PITPNC1: variants seen among roughly 807,000 people sequenced by gnomAD.
PITPNC1 encodes phosphatidylinositol transfer protein cytoplasmic 1, also known as cytoplasmic phosphatidylinositol transfer protein 1.
In PITPNC1, 18 loss-of-function variants were observed where a neutral mutation model predicts 44.7. The observed-to-expected ratio is 0.40, with a 90% CI of 0.28 to 0.60. PITPNC1 has a LOEUF of 0.60. Among genes scored for constraint, PITPNC1 ranks in the 20% least tolerant of loss-of-function variants. The probability of loss-of-function intolerance (pLI) is 0.39; values close to 1 mark genes in which losing one functional copy is unlikely to be tolerated. For synonymous variants in PITPNC1, 141 were observed against 149.6 expected, an observed-to-expected ratio of 0.94 and a Z score of 0.42; for missense variants, 290 against 418.4, an observed-to-expected ratio of 0.69 and a Z score of 2.68.
chr17:67,378,299 C>A, intron 1 of PITPNC1, 97 bp downstream of exon 1: 2 of 745,166 alleles, frequency 2.7e-6, no homozygotes, highest in Non-Finnish European at 4.0e-6. Flanking sequence ...GCAGGAAACC[C>A]AGGTGGACGT....
chr17:67,427,768 TG>T (rs2038793042), intron 1 of PITPNC1, among the ~76,000 whole-genome samples: 2 of 152,176 alleles, frequency 1.3e-5, no homozygotes, highest in African/African-American at 4.8e-5. Context: ...ATGGAATCTT[TG>T]TTGAAAATGT....
Position 67,379,377 on chromosome 17 carries a change from T to C in PITPNC1, c.48+1175T>C, listed in dbSNP as rs1053141874. On this transcript the variant is annotated intron_variant, in intron 1 of 8. Transcript: ENST00000581322. ...ACAGGGGCTGTCCGTATTTGCCATC[T>C]GGACCAAGGGTTAAGGTAAGACCCA... is the stretch of plus-strand genomic sequence containing the variant. 3.5e-5 allele frequency: 34 copies of C among 985,348 alleles called. 1 individual carries two copies. The Admixed American group carries it at 5.5e-4, about 16-fold the overall frequency. 61.0% of individuals were successfully genotyped at this position (985,348 alleles called of 1,614,324 possible).
intron 5 of PITPNC1, among the ~76,000 whole-genome samples, chr17:67,610,960 T>C (rs1315196061): frequency 6.6e-6 from 1 of 151,784 alleles, no homozygotes; most frequent in Admixed American, 6.6e-5. Flanking sequence ...AAAAATATTA[T>C]TTTCTAAACT....
chr17:67,434,967 G>C (rs2038915113), intron 1 of PITPNC1, among the ~76,000 whole-genome samples: 1 of 151,686 alleles, frequency 6.6e-6, no homozygotes, highest in Non-Finnish European at 1.5e-5. Flanking sequence ...AAATTAGCTG[G>C]GCATGGTGGC....
At chr17:67,655,165 C>T (rs2042248827) in intron 6 of PITPNC1, among the ~76,000 whole-genome samples, 1 of 152,132 alleles carries the variant, frequency 6.6e-6, no homozygotes, top group African/African-American at 2.4e-5. Flanking sequence ...AGATTCAGTG[C>T]CTGGAGATGG....
At chr17:67,481,984 A>G (rs926177591) in intron 1 of PITPNC1, among the ~76,000 whole-genome samples, 5 of 152,188 alleles carry the variant, frequency 3.3e-5, no homozygotes, top group African/African-American at 1.2e-4. Context: ...TTGTTGAGCT[A>G]CCAGGATTAC....
intron 5 of PITPNC1, among the ~76,000 whole-genome samples, chr17:67,605,414 C>T (rs989543422): frequency 1.3e-5 from 2 of 152,152 alleles, no homozygotes; most frequent in African/African-American, 2.4e-5. Flanking sequence ...AGCTGGCAGC[C>T]GCTGTCCAGC....
chr17:67,389,664 T>A lies in PITPNC1; in HGVS notation c.48+11462T>A, dbSNP rs80047167. Among the ~76,000 whole-genome samples, 852 of 151,284 alleles carry A rather than the reference T, an allele frequency of 5.6e-3. 4 individuals carry two copies. Among genetic ancestry groups the A allele is most frequent in the African/African-American group, 0.02 (801 of 40,624 alleles). ...AAGTACATCTCAGTAAAGCTGTTTT[T>A]TGTTTTGTTGTTGTTGTTGTTGTTG... On this transcript the variant is annotated intron_variant, in intron 1 of 8. Coordinates refer to ENST00000581322, the MANE Select transcript of PITPNC1 (RefSeq NM_012417.4).
chr17:67,452,301 A>G (rs1306702095), intron 1 of PITPNC1, among the ~76,000 whole-genome samples: 1 of 151,904 alleles, frequency 6.6e-6, no homozygotes, highest in Non-Finnish European at 1.5e-5. Context: ...GGGAGCCATC[A>G]TGCCTGGCCA....
intron 1 of PITPNC1, among the ~76,000 whole-genome samples, chr17:67,415,991 G>A (rs1399403658): frequency 6.6e-6 from 1 of 151,760 alleles, no homozygotes; most frequent in Non-Finnish European, 1.5e-5. Context: ...TTCTTTGTTC[G>A]TTAGGTTGAA....
chr17:67,433,040 G>T (rs149521518), intron 1 of PITPNC1, among the ~76,000 whole-genome samples: 387 of 152,312 alleles, frequency 2.5e-3, no homozygotes, highest in African/African-American at 8.7e-3. Flanking sequence ...GCGAGTGGGG[G>T]TGGGGAGAGT....
chr17:67,681,262 TTTGC>T (rs2042699473), intron 8 of PITPNC1, among the ~76,000 whole-genome samples: 2 of 152,132 alleles, frequency 1.3e-5, no homozygotes. Flanking sequence ...GGGGAAAATA[TTTGC>T]TGCATATGTA....
chr17:67,643,976 G>A (rs1412521058), intron 6 of PITPNC1, among the ~76,000 whole-genome samples: 1 of 152,178 alleles, frequency 6.6e-6, no homozygotes, highest in Non-Finnish European at 1.5e-5. Context: ...GAGAACAGGA[G>A]CAGAGGTGTG....
chr17:67,660,246 C>G (rs1284774072), intron 6 of PITPNC1, among the ~76,000 whole-genome samples: 1 of 152,074 alleles, frequency 6.6e-6, no homozygotes, highest in African/African-American at 2.4e-5. Context: ...TTATTATTAT[C>G]TTTTTACTCT....
At position 67,692,246 on chromosome 17, in the gene PITPNC1, C is replaced by T. The variant is rs547600843; in HGVS notation, c.683-326C>T. On this transcript the variant is annotated intron_variant, in intron 8 of 8. Transcript: ENST00000581322. ...ACACAGATGCACACGGGTGCACACA[C>T]ATACACACACACAGGCACATATTTC... 2.0e-5 allele frequency among the ~76,000 whole-genome samples: 3 copies of T among 152,278 alleles called. No individual in the cohort carries two copies. In the South Asian group the frequency reaches 6.2e-4, roughly 32 times the overall value.
At chr17:67,456,654 T>C (rs962729596) in intron 1 of PITPNC1, among the ~76,000 whole-genome samples, 3 of 152,168 alleles carry the variant, frequency 2.0e-5, no homozygotes, top group Non-Finnish European at 2.9e-5. Flanking sequence ...ATTTAGTGTT[T>C]TAATTTCTCC....
At position 67,496,802 on chromosome 17, in the gene PITPNC1, T is replaced by C. The variant is rs140546598; in HGVS notation, c.49-36000T>C. Among the ~76,000 whole-genome samples, 831 of 152,188 alleles carry C rather than the reference T, an allele frequency of 5.5e-3. 8 individuals are homozygous for C. Among genetic ancestry groups the C allele is most frequent in the Non-Finnish European group, 7.6e-3 (520 of 68,018 alleles). The stretch of plus-strand genomic sequence containing the variant: ...GGTCGTAATTTCAAAAATGGAAAAG[T>C]AGGTTTTAAAAATTCAAATGTAATA... On this transcript the variant is annotated intron_variant, in intron 1 of 8. Transcript: ENST00000581322.
At chr17:67,408,804 G>C (rs1567978518) in intron 1 of PITPNC1, 1 of 151,226 alleles carries the variant, frequency 6.6e-6, no homozygotes, top group Non-Finnish European at 1.5e-5. Context: ...GTAAGAAAGG[G>C]GGAAAGAATA....
At chr17:67,663,832 A>G (rs1172709281) in intron 6 of PITPNC1, among the ~76,000 whole-genome samples, 1 of 152,158 alleles carries the variant, frequency 6.6e-6, no homozygotes, top group African/African-American at 2.4e-5. Context: ...AGTGATGGTA[A>G]ATGACATGGC....
Sources: gnomAD v4.1 joint callset for allele counts (sites outside exome capture counted in the v4.1 genomes callset) on GRCh38, gnomAD v4.1.1 for gene constraint, MANE v1.5 for transcripts, NCBI Gene and HGNC (gene_info 2026-07-23, HGNC 2026-07-21) for gene names.